The following MOB3B variants were observed in gnomAD, a reference collection of about 807,000 sequenced individuals.
The protein encoded by MOB3B is MOB kinase activator-like 2B.
Under a neutral mutation model 18.7 loss-of-function variants are expected in MOB3B, and 7 were observed. The ratio of observed to expected loss-of-function variants is 0.37; its 90% CI spans 0.21 to 0.70. The LOEUF is 0.70. MOB3B is among the 30% of genes least tolerant of loss of function. The pLI is 0.52. For synonymous variants in MOB3B, 111 were observed against 99.9 expected, an observed-to-expected ratio of 1.11 and a Z score of -0.66; for missense variants, 253 against 281.3, an observed-to-expected ratio of 0.90 and a Z score of 0.72.
At chr9:27,472,780 G>A (rs1292556098) in intron 1 of MOB3B, among the ~76,000 whole-genome samples, 3 of 151,746 alleles carry the variant, frequency 2.0e-5, no homozygotes, top group Non-Finnish European at 2.9e-5. Flanking sequence ...GAAAAAGGTG[G>A]TGGAGGATTC....
At chr9:27,379,962 T>C (rs190311034) in intron 2 of MOB3B, among the ~76,000 whole-genome samples, 109 of 152,276 alleles carry the variant, frequency 7.2e-4, no homozygotes, top group African/African-American at 2.3e-3. Flanking sequence ...TCCATTCAGT[T>C]ATAGAATATT....
chr9:27,528,858 G>T (rs1563891833), intron 1 of MOB3B, among the ~76,000 whole-genome samples: 2 of 152,182 alleles, frequency 1.3e-5, no homozygotes, highest in Non-Finnish European at 2.9e-5. Flanking sequence ...CCCAGCAGGG[G>T]TCTGAAGGTG....
At chr9:27,413,947 A>G (rs1034091211) in intron 2 of MOB3B, among the ~76,000 whole-genome samples, 3 of 152,222 alleles carry the variant, frequency 2.0e-5, no homozygotes, top group Non-Finnish European at 2.9e-5. Flanking sequence ...AGGTATCTCA[A>G]TGAACAGAAG....
chr9:27,408,542 A>T (rs1007894456), intron 2 of MOB3B, among the ~76,000 whole-genome samples: 6 of 152,098 alleles, frequency 3.9e-5, no homozygotes, highest in African/African-American at 1.4e-4. Flanking sequence ...ATGAAGCTAC[A>T]TTTTCCCAGT....
chr9:27,507,756 AG>A (rs1820081309), intron 1 of MOB3B, among the ~76,000 whole-genome samples: 1 of 152,246 alleles, frequency 6.6e-6, no homozygotes, highest in East Asian at 1.9e-4. Context: ...CAAAATGCCC[AG>A]CACAAAGCAG....
chr9:27,528,778 GA>G (rs1820481069), intron 1 of MOB3B, among the ~76,000 whole-genome samples: 1 of 144,886 alleles, frequency 6.9e-6, no homozygotes, highest in Non-Finnish European at 1.6e-5. Context: ...GAAAGAGCGC[GA>G]GGGGGGGGAT....
chr9:27,375,441 A>T lies in MOB3B; in HGVS notation c.419-16205T>A, dbSNP rs190501771. On this transcript the variant is annotated intron_variant, in intron 2 of 3. Transcript: ENST00000262244. ...CTCCATATGTTCTTTCTTTATTAAC[A>T]TTCATAGGTGGTCCTTGAGTTACAT... 3.9e-5 allele frequency among the ~76,000 whole-genome samples: 6 copies of T among 152,332 alleles called. No homozygotes were observed. The East Asian group carries it at 1.2e-3, about 29-fold the overall frequency.
intron 2 of MOB3B, among the ~76,000 whole-genome samples, chr9:27,393,545 G>C (rs1011556667): frequency 6.6e-6 from 1 of 152,178 alleles, no homozygotes; most frequent in African/African-American, 2.4e-5. Context: ...CAAAATGGTA[G>C]ACCTGGGTGG....
chr9:27,358,978 C>A (rs1022851667), intron 3 of MOB3B, 56 bp downstream of exon 3: 17 of 1,563,644 alleles, frequency 1.1e-5, no homozygotes, highest in East Asian at 2.2e-5. Flanking sequence ...TGCGCTCTGA[C>A]AAATGGCCGA....
chr9:27,423,069 C>T (rs11791707), intron 2 of MOB3B, among the ~76,000 whole-genome samples: 78,692 of 151,982 alleles, frequency 0.52, 20,817 homozygotes, highest in Non-Finnish European at 0.56. Context: ...CCAGAAAGAA[C>T]GCTACATGGC....
rs111342383 is a variant in MOB3B, at chr9:27,339,901, T to C, written c.622-9285A>G. Among the ~76,000 whole-genome samples, 151 of 152,340 alleles carry C rather than the reference T, an allele frequency of 9.9e-4. 2 individuals are homozygous for C. The highest frequency in any genetic ancestry group is 3.4e-3 in the African/African-American group (143 of 41,580). On this transcript the variant is annotated intron_variant, in intron 3 of 3. Coordinates refer to ENST00000262244, the MANE Select transcript of MOB3B (RefSeq NM_024761.5). ...GCCAGGGCTGCTGTTCTTCCTTTGC[T>C]AGCATCCCAAAGTCTGAATTCTTAT... is the stretch of plus-strand genomic sequence containing the variant.
chr9:27,436,900 G>C (rs1822509907), intron 2 of MOB3B, among the ~76,000 whole-genome samples: 1 of 151,338 alleles, frequency 6.6e-6, no homozygotes, highest in Non-Finnish European at 1.5e-5. Context: ...AGAAAGAGCA[G>C]CCAGCTATGC....
chr9:27,471,496 A>G (rs1819470581), intron 1 of MOB3B, among the ~76,000 whole-genome samples: 2 of 152,130 alleles, frequency 1.3e-5, no homozygotes, highest in African/African-American at 4.8e-5. Context: ...AAGTAAATGG[A>G]TCTGAGATCA....
chr9:27,479,397 C>A (rs1228505285), intron 1 of MOB3B, among the ~76,000 whole-genome samples: 1 of 152,176 alleles, frequency 6.6e-6, no homozygotes, highest in Non-Finnish European at 1.5e-5. Flanking sequence ...CACCTCTCAA[C>A]ACTGATGCAT....
chr9:27,483,314 A>G (rs1819690037), intron 1 of MOB3B, among the ~76,000 whole-genome samples: 1 of 151,716 alleles, frequency 6.6e-6, no homozygotes, highest in Admixed American at 6.6e-5. Flanking sequence ...TTGTATTTTT[A>G]ATAGAAACGG....
At chr9:27,476,576 G>C (rs1458239234) in intron 1 of MOB3B, among the ~76,000 whole-genome samples, 2 of 152,172 alleles carry the variant, frequency 1.3e-5, no homozygotes, top group Admixed American at 1.3e-4. Context: ...TTTCAAATAA[G>C]GTCATGTTAA....
chr9:27,357,886 T>TCC (rs1563849115), intron 3 of MOB3B, among the ~76,000 whole-genome samples: 3 of 25,288 alleles, frequency 1.2e-4, no homozygotes, highest in Admixed American at 7.0e-4. Flanking sequence ...ATCCCATCGC[T>TCC]ACAAAAAAAA....
chr9:27,478,715 A>C (rs1201191919), intron 1 of MOB3B, among the ~76,000 whole-genome samples: 1 of 151,998 alleles, frequency 6.6e-6, no homozygotes, highest in Non-Finnish European at 1.5e-5. Context: ...TGAGAGTGGC[A>C]ATACTGAAAT....
intron 1 of MOB3B, among the ~76,000 whole-genome samples, chr9:27,472,939 T>G (rs1819495485): frequency 6.6e-6 from 1 of 152,266 alleles, no homozygotes; most frequent in Admixed American, 6.5e-5. Flanking sequence ...AAAGTCACTT[T>G]GGTGCATCTC....
Sources: allele counts gnomAD v4.1 joint callset (sites outside exome capture counted in the v4.1 genomes callset), GRCh38; gene constraint gnomAD v4.1.1; transcripts MANE v1.5; gene names NCBI Gene and HGNC (gene_info 2026-07-23, HGNC 2026-07-21).